The following NTM variants were observed in gnomAD, a reference collection of about 807,000 sequenced individuals.
NTM encodes neurotrimin, also known as IgLON family member 2.
NTM carries 13 observed loss-of-function variants against 42.1 expected under a neutral mutation model. That is an observed-to-expected ratio of 0.31 (90% CI 0.20 to 0.49). The LOEUF is 0.49. NTM is among the 20% of genes least tolerant of loss of function. NTM has a pLI of 0.99. For missense variants in NTM, 373 were observed against 452.8 expected (o/e 0.82, Z 1.60); for synonymous variants, 187 against 179.2 (o/e 1.04, Z -0.35).
chr11:131,910,790 C>T (rs1400360807), intron 1 of NTM: 8 of 974,696 alleles, frequency 8.2e-6, no homozygotes, highest in Admixed American at 6.2e-5. Context: ...GCCGCAGCCC[C>T]TGCCCCGCCG....
At chr11:131,597,962 C>T (rs2512884) in intron 1 of NTM, among the ~76,000 whole-genome samples, 1 of 152,032 alleles carries the variant, frequency 6.6e-6, no homozygotes, top group African/African-American at 2.4e-5. Flanking sequence ...AAACTGGAAA[C>T]GTGGCCAGTC....
At chr11:131,381,678 C>G (rs1267232292) in intron 1 of NTM, among the ~76,000 whole-genome samples, 1 of 152,162 alleles carries the variant, frequency 6.6e-6, no homozygotes, top group East Asian at 1.9e-4. Context: ...GTCTCCTCCC[C>G]AAGGCAACAA....
At chr11:131,546,942 A>G (rs57382857) in intron 1 of NTM, among the ~76,000 whole-genome samples, 8,447 of 151,444 alleles carry the variant, frequency 0.056, 758 homozygotes, top group African/African-American at 0.19. Flanking sequence ...TTGTCCCTAA[A>G]CCCCCTGAGT....
chr11:131,549,723 T>C (rs995978725), intron 1 of NTM, among the ~76,000 whole-genome samples: 1 of 152,214 alleles, frequency 6.6e-6, no homozygotes, highest in Non-Finnish European at 1.5e-5. Flanking sequence ...ATAGATTCAT[T>C]GTATTGGAGG....
chr11:132,323,179 C>G (rs1208703814), intron 7 of NTM, among the ~76,000 whole-genome samples: 1 of 145,622 alleles, frequency 6.9e-6, no homozygotes, highest in Admixed American at 6.8e-5. Context: ...TAACTAAAAT[C>G]AGAGCAGAAC....
intron 1 of NTM, among the ~76,000 whole-genome samples, chr11:131,619,540 T>C (rs1431097038): frequency 6.6e-6 from 1 of 152,158 alleles, no homozygotes; most frequent in Non-Finnish European, 1.5e-5. Context: ...CGTTGCAGCA[T>C]TTTGTCTTTA....
At chr11:131,418,984 C>G (rs1320938936) in intron 1 of NTM, among the ~76,000 whole-genome samples, 1 of 152,164 alleles carries the variant, frequency 6.6e-6, no homozygotes, top group Non-Finnish European at 1.5e-5. Context: ...CTTACAAGAC[C>G]AGTCTAGAGA....
At chr11:132,199,264 T>TA (rs1447870880) in intron 3 of NTM, among the ~76,000 whole-genome samples, 1 of 152,200 alleles carries the variant, frequency 6.6e-6, no homozygotes, top group African/African-American at 2.4e-5. Context: ...GCATGGTACA[T>TA]AGAGTGTAGT....
chr11:131,691,561 C>G (rs550691390), intron 1 of NTM, among the ~76,000 whole-genome samples: 1 of 151,882 alleles, frequency 6.6e-6, no homozygotes, highest in Non-Finnish European at 1.5e-5. Flanking sequence ...CCTGAAAGCC[C>G]CCCCCCGACT....
intron 2 of NTM, among the ~76,000 whole-genome samples, chr11:132,141,471 G>A (rs1237686509): frequency 2.0e-5 from 3 of 152,164 alleles, no homozygotes; most frequent in African/African-American, 7.2e-5. Flanking sequence ...AGGACACAGA[G>A]GGTTGCATTT....
At chr11:131,570,238 A>G (rs1048297282) in intron 1 of NTM, among the ~76,000 whole-genome samples, 6 of 152,210 alleles carry the variant, frequency 3.9e-5, no homozygotes, top group African/African-American at 1.4e-4. Flanking sequence ...GGGAATCAGC[A>G]TTATTTGTAA....
chr11:131,380,616 C>G (rs1194931544), intron 1 of NTM, among the ~76,000 whole-genome samples: 1 of 152,114 alleles, frequency 6.6e-6, no homozygotes, highest in East Asian at 1.9e-4. Context: ...TGTCTATCTC[C>G]CCTTCCCAGG....
intron 1 of NTM, among the ~76,000 whole-genome samples, chr11:131,478,702 TCAC>T (rs1488377674): frequency 6.6e-6 from 1 of 152,208 alleles, no homozygotes; most frequent in South Asian, 2.1e-4. Flanking sequence ...TTGAATTTCT[TCAC>T]CACACAGCTC....
chr11:132,234,283 G>T (rs2088276335), intron 4 of NTM, among the ~76,000 whole-genome samples: 1 of 152,176 alleles, frequency 6.6e-6, no homozygotes, highest in South Asian at 2.1e-4. Flanking sequence ...ATCTGAGTCG[G>T]TCTTCGCTAG....
Position 131,642,776 on chromosome 11 carries a change from T to A in NTM, c.83-268788T>A, listed in dbSNP as rs1439731046. 6.6e-5 allele frequency among the ~76,000 whole-genome samples: 10 copies of A among 152,190 alleles called. 1 individual carries two copies. In the East Asian group the frequency reaches 1.9e-3, roughly 29 times the overall value. On this transcript the variant is annotated intron_variant, in intron 1 of 8. Transcript: ENST00000683400. ...CCAAACCAATTTAAATTTCACCCACTATTTTTTTCATTACTACAACAAACA... is the reference window on the plus strand; with the variant it reads ...CCAAACCAATTTAAATTTCACCCACAATTTTTTTCATTACTACAACAAACA...
rs958712052 is a variant in NTM at position 131,521,237 on chromosome 11, C to T, written c.82+150349C>T. The stretch of plus-strand genomic sequence containing the variant: ...GGCTGAGGCAGAAGAATCACTTGGA[C>T]CCGGGAAGTGGAGGTTGCAGTGAGC... On this transcript the variant is annotated intron_variant, in intron 1 of 8. Coordinates refer to ENST00000683400, the MANE Select transcript of NTM (RefSeq NM_001352005.2). Among the ~76,000 whole-genome samples, 3 of 150,926 alleles carry T rather than the reference C, an allele frequency of 2.0e-5. No homozygotes were observed. In the East Asian group the frequency reaches 5.9e-4, roughly 30 times the overall value.
Position 132,299,122 on chromosome 11 carries a change from C to T in NTM, c.527-8567C>T, listed in dbSNP as rs549290750. On this transcript the variant is annotated intron_variant, in intron 4 of 8. Coordinates refer to ENST00000683400, the MANE Select transcript of NTM (RefSeq NM_001352005.2). ...CATCCTGGCTAACACAATGAAACCC[C>T]GTCTCTACTGAAAATAAAAAAAATT... Among the ~76,000 whole-genome samples, 14 of 149,536 alleles carry T rather than the reference C, an allele frequency of 9.4e-5. No individual in the cohort carries two copies. The East Asian group carries it at 1.8e-3, about 19-fold the overall frequency.
chr11:131,773,097 T>G (rs2086386691), intron 1 of NTM, among the ~76,000 whole-genome samples: 1 of 152,168 alleles, frequency 6.6e-6, no homozygotes, highest in Admixed American at 6.5e-5. Context: ...AAGAAATTCA[T>G]TTCTCATAGT....
At chr11:131,835,988 A>G (rs913355117) in intron 1 of NTM, among the ~76,000 whole-genome samples, 1 of 152,180 alleles carries the variant, frequency 6.6e-6, no homozygotes, top group Non-Finnish European at 1.5e-5. Context: ...GTTTATATGG[A>G]GAGTAAAAAT....
Sources: gnomAD v4.1 joint callset for allele counts (sites outside exome capture counted in the v4.1 genomes callset) on GRCh38, gnomAD v4.1.1 for gene constraint, MANE v1.5 for transcripts, NCBI Gene and HGNC (gene_info 2026-07-23, HGNC 2026-07-21) for gene names.